SSC4D: variants seen among roughly 807,000 people sequenced by gnomAD.
SSC4D encodes the protein scavenger receptor cysteine-rich domain-containing group B protein.
Under a neutral mutation model 63.4 loss-of-function variants are expected in SSC4D, and 57 were observed. That is an observed-to-expected ratio of 0.90 (90% confidence interval 0.73 to 1.12). The LOEUF is 1.12. SSC4D is among the 50% of genes most tolerant of loss of function. The pLI is 0.00. For missense variants in SSC4D, 791 were observed against 806.4 expected, an observed-to-expected ratio of 0.98 and a Z score of 0.23; for synonymous variants, 352 against 345.4, an observed-to-expected ratio of 1.02 and a Z score of -0.21.
intron 9 of SSC4D, among the ~76,000 whole-genome samples, chr7:76,393,033 C>G (rs1343554039): frequency 6.6e-6 from 1 of 152,216 alleles, no homozygotes; most frequent in Non-Finnish European, 1.5e-5. Context: ...GTGATCCACT[C>G]TCTGCTTAAT....
At chr7:76,405,772 G>T (rs1191747100) in intron 1 of SSC4D, among the ~76,000 whole-genome samples, 3 of 152,008 alleles carry the variant, frequency 2.0e-5, no homozygotes, top group African/African-American at 7.2e-5. Flanking sequence ...TGTGTGAAGA[G>T]GGCAAATGGT....
intron 10 of SSC4D, among the ~76,000 whole-genome samples, chr7:76,390,918 C>A (rs574026620): frequency 6.6e-6 from 1 of 152,040 alleles, no homozygotes; most frequent in Non-Finnish European, 1.5e-5. Flanking sequence ...GCCCAGAAGC[C>A]GGACAGCAGC....
In SSC4D at chr7:76,390,159, C is replaced by T. The variant is rs77743816; in HGVS notation, c.1628G>A (p.Arg543His). ...GPILLDNVKC[R>H]GEESALLLCS... is the part of the protein sequence containing the mutation. ...GAGCAGCAGAGCACTTTCTTCCCCA[C>T]GGCACTTGACATTGTCCAGGAGAAT... Residue 543 changes from arginine (R) to histidine (H), a missense_variant, in exon 11 of 11, where the codon CGT becomes CAT. Physicochemically the swap from Arg to His is conservative, Grantham distance 29. Coordinates refer to ENST00000275560, the MANE Select transcript of SSC4D (RefSeq NM_080744.2). The T allele has an allele frequency of 6.9e-4, 1,107 of 1,614,246 alleles. 18 individuals are homozygous for T. In the East Asian group the frequency reaches 0.022, roughly 31 times the overall value.
rs1193527373 is a variant in SSC4D at position 76,405,339 on chromosome 7, C to CTT, written c.-66-836_-66-835dup. On this transcript the variant is annotated intron_variant, in intron 1 of 10. Coordinates refer to ENST00000275560, the MANE Select transcript of SSC4D (RefSeq NM_080744.2). ...TATGTATTTTTTTCTTTCTTTCTTT[C>CTT]TTTTTTTTTTTTTTTTTTTTTTGGT... Among the ~76,000 whole-genome samples, 7 of 21,386 alleles carry CTT rather than the reference C, an allele frequency of 3.3e-4. No individual in the cohort carries two copies. The East Asian group carries it at 7.4e-3, about 23-fold the overall frequency. 14.0% of individuals were successfully genotyped at this position (21,386 alleles called of 152,430 possible). A position where few individuals can be genotyped will look rare whatever the true frequency, so the allele number is the denominator to read the frequency against.
intron 1 of SSC4D, among the ~76,000 whole-genome samples, chr7:76,408,921 C>T (rs1805134403): frequency 6.6e-6 from 1 of 152,192 alleles, no homozygotes; most frequent in Non-Finnish European, 1.5e-5. Context: ...TCCACCATCT[C>T]CTAGCTGTAT....
At position 76,397,807 on chromosome 7, in the gene SSC4D, C is replaced by G. The variant is rs1307618726; in HGVS notation, c.579G>C (p.Gly193=). 6.3e-7 allele frequency: 1 copy of G among 1,595,752 alleles called. No homozygotes were observed. Among genetic ancestry groups the G allele is most frequent in the Non-Finnish European group, 8.6e-7 (1 of 1,169,112 alleles). Residue 193 remains glycine (G), a synonymous_variant, in exon 6 of 11, where the codon GGG becomes GGC. Transcript: ENST00000275560. Reference sequence around the variant, plus strand: ...CTCGGCCCTGACACAGGTTCGCGCCCCCTACCAGGCGTACGCTGCCCTCAC... The same window carrying G: ...CTCGGCCCTGACACAGGTTCGCGCCGCCTACCAGGCGTACGCTGCCCTCAC... The part of the protein sequence containing the change: ...GKSEGSVRLV[G]GANLCQGRVE...
In SSC4D at chr7:76,397,517, C is replaced by G. The variant is rs1230493383; in HGVS notation, c.868+1G>C. 2 of 1,541,712 alleles carry G rather than the reference C, an allele frequency of 1.3e-6. No homozygotes were observed. Among genetic ancestry groups the G allele is most frequent in the East Asian group, 2.4e-5 (1 of 41,904 alleles). ...CCGCCCATCGCCCCTAGAGCCCGCA[C>G]CTGCGCAGAGCGCGCCCGCGTCCTC... is the stretch of plus-strand genomic sequence containing the variant. On this transcript the variant is annotated splice_donor_variant, in intron 6 of 10. Transcript: ENST00000275560. LOFTEE classifies it high-confidence loss of function.
rs749922061 is a variant in SSC4D at position 76,398,710 on chromosome 7, G to C, written c.553+10C>G. 3 of 1,612,470 alleles carry C rather than the reference G, an allele frequency of 1.9e-6. No homozygotes were observed. Among genetic ancestry groups the C allele is most frequent in the Non-Finnish European group, 2.5e-6 (3 of 1,178,900 alleles). ...AAAACCCAGGTGGTGCCCACATTAT[G>C]CTTACGTACTTTTTCCATTCGGCAG... On this transcript the variant is annotated intron_variant, in intron 5 of 10. Coordinates refer to ENST00000275560, the MANE Select transcript of SSC4D (RefSeq NM_080744.2).
Position 76,393,396 on chromosome 7 carries a change from C to T in SSC4D, c.1333+9G>A, listed in dbSNP as rs369795905. On this transcript the variant is annotated intron_variant, in intron 9 of 10. Coordinates refer to ENST00000275560, the MANE Select transcript of SSC4D (RefSeq NM_080744.2). The stretch of plus-strand genomic sequence containing the variant: ...CCGCTGTCAGCCTCACCTTCGCTGT[C>T]AGCCTCACCTGCGCAGAGCGCTCCC... The T allele has an allele frequency of 5.5e-4, 761 of 1,386,092 alleles. 5 individuals are homozygous for T. The African/African-American group carries it at 9.6e-3, about 17-fold the overall frequency. 85.9% of individuals were successfully genotyped at this position (1,386,092 alleles called of 1,614,324 possible). A position where few individuals can be genotyped will look rare whatever the true frequency, so the allele number is the denominator to read the frequency against.
In SSC4D at chr7:76,390,023, TCC is replaced by T. The variant is rs1227377952; in HGVS notation, c.*34_*35del. ...CTGGAGGAGGAAGGGAGGTCACAGC[TCC>T]CAGAAGAAGAGGTGGTCTGCAGAGC... On this transcript the variant is annotated 3_prime_UTR_variant, in exon 11 of 11. Transcript: ENST00000275560. 1 of 1,612,582 alleles carries T rather than the reference TCC, an allele frequency of 6.2e-7. No individual in the cohort carries two copies. Among genetic ancestry groups the T allele is most frequent in the Non-Finnish European group, 8.5e-7 (1 of 1,179,142 alleles).
chr7:76,404,209 C>G (rs372992436), intron 2 of SSC4D, 98 bp downstream of exon 2: 2 of 1,418,178 alleles, frequency 1.4e-6, no homozygotes, highest in East Asian at 5.0e-5. Flanking sequence ...ACAACAGGAA[C>G]GAGCTCATTC....
chr7:76,394,076 CTT>C (rs1299875976), intron 7 of SSC4D, among the ~76,000 whole-genome samples, 172 bp from the exon 8 acceptor site: 1 of 152,196 alleles, frequency 6.6e-6, no homozygotes, highest in African/African-American at 2.4e-5. Context: ...CTCCGGGAAA[CTT>C]GGTTGAATGA....
In SSC4D at chr7:76,393,917, G is replaced by T; in HGVS notation, c.947-13C>A. The stretch of plus-strand genomic sequence containing the variant: ...CCAACTCCTGTAGCTGTGGAGACAG[G>T]GCATCTAGGGCGTTCGAAGGGGACG... On this transcript the variant is annotated splice_polypyrimidine_tract_variant and intron_variant, in intron 7 of 10. Transcript: ENST00000275560. 1 of 1,592,214 alleles carries T rather than the reference G, an allele frequency of 6.3e-7. No individual in the cohort carries two copies. Among genetic ancestry groups the T allele is most frequent in the East Asian group, 2.3e-5 (1 of 43,932 alleles).
intron 1 of SSC4D, 60 bp from the exon 2 acceptor site, chr7:76,404,565 G>A: frequency 7.0e-7 from 1 of 1,432,472 alleles, no homozygotes; most frequent in Non-Finnish European, 9.7e-7. Context: ...GCCGAGGTGG[G>A]AGGATTGCTT....
At chr7:76,395,405 G>T in intron 6 of SSC4D, 75 bp from the exon 7 acceptor site, 1 of 1,453,526 alleles carries the variant, frequency 6.9e-7, no homozygotes, top group Non-Finnish European at 9.6e-7. Context: ...TGTCAGGGGA[G>T]GATAGGAGGG....
chr7:76,404,182 G>GGTCA (rs1804923875), intron 2 of SSC4D, 125 bp downstream of exon 2: 1 of 1,344,900 alleles, frequency 7.4e-7, no homozygotes, highest in African/African-American at 1.5e-5. Flanking sequence ...TCTGGGCAAA[G>GGTCA]GTCAGCATTG....
At chr7:76,398,670 A>G (rs1321841696) in intron 5 of SSC4D, 50 bp downstream of exon 5, 13 of 1,572,746 alleles carry the variant, frequency 8.3e-6, no homozygotes, top group Admixed American at 1.7e-5. Flanking sequence ...GTAGGGTGTG[A>G]GAGACTCCTC....
intron 2 of SSC4D, among the ~76,000 whole-genome samples, chr7:76,403,539 TG>T (rs1206238141): frequency 6.6e-6 from 1 of 151,870 alleles, no homozygotes; most frequent in Non-Finnish European, 1.5e-5. Flanking sequence ...GGTTTCACCA[TG>T]TTGGCCGGGC....
chr7:76,409,335 A>ATGT (rs1483634395), intron 1 of SSC4D, 79 bp downstream of exon 1: 19 of 147,964 alleles, frequency 1.3e-4, no homozygotes, highest in African/African-American at 4.9e-4. Context: ...ACACACACAC[A>ATGT]CACACACACA....
Sources: allele counts gnomAD v4.1 joint callset (sites outside exome capture counted in the v4.1 genomes callset), GRCh38; gene constraint gnomAD v4.1.1; transcripts MANE v1.5; gene names NCBI Gene and HGNC (gene_info 2026-07-23, HGNC 2026-07-21).